The following ALPL variants were observed in gnomAD, a reference collection of about 807,000 sequenced individuals.
ALPL encodes alkaline phosphatase, tissue-nonspecific isozyme.
ALPL carries 42 observed loss-of-function variants against 51.3 expected under a neutral mutation model. The observed-to-expected ratio is 0.82, with a 90% CI of 0.64 to 1.06. The LOEUF (loss-of-function observed/expected upper bound fraction) is 1.06, where lower values mean the gene tolerates loss of function less well. Among genes scored for constraint, ALPL ranks in the 50% least tolerant of loss-of-function variants. ALPL has a pLI of 0.00. For missense variants in ALPL, 589 were observed against 709.4 expected (o/e 0.83, Z 1.93); for synonymous variants, 279 against 296.4 (o/e 0.94, Z 0.60).
At chr1:21,570,944 C>A (rs141630867) in intron 8 of ALPL, among the ~76,000 whole-genome samples, 1 of 152,328 alleles carries the variant, frequency 6.6e-6, no homozygotes, top group African/African-American at 2.4e-5. Flanking sequence ...GTGGCAAAAT[C>A]TCCTGCAGAC....
intron 2 of ALPL, among the ~76,000 whole-genome samples, chr1:21,558,781 C>A (rs577169411): frequency 6.6e-6 from 1 of 152,130 alleles, no homozygotes; most frequent in Non-Finnish European, 1.5e-5. Context: ...GTGGGGTGTG[C>A]TTGGGTCCAA....
At chr1:21,516,436 A>G (rs1375808635) in intron 1 of ALPL, among the ~76,000 whole-genome samples, 1 of 151,546 alleles carries the variant, frequency 6.6e-6, no homozygotes, top group Non-Finnish European at 1.5e-5. Context: ...CTATAAGCCC[A>G]ACATGCACGT....
intron 1 of ALPL, among the ~76,000 whole-genome samples, chr1:21,515,687 C>T (rs1031934735): frequency 3.3e-5 from 5 of 152,188 alleles, no homozygotes; most frequent in African/African-American, 1.2e-4. Context: ...CCACACCTGG[C>T]CCCAGTGACT....
intron 4 of ALPL, among the ~76,000 whole-genome samples, chr1:21,562,451 G>A (rs1246472759): frequency 1.3e-5 from 2 of 152,184 alleles, no homozygotes; most frequent in East Asian, 1.9e-4. Context: ...GTGGTGTTAT[G>A]TAATAACCTC....
chr1:21,568,190 G>A lies in ALPL; in HGVS notation c.735G>A (p.Thr245=), dbSNP rs776965688. 5.0e-6 allele frequency: 8 copies of A among 1,614,114 alleles called. No individual in the cohort carries two copies. Among genetic ancestry groups the A allele is most frequent in the African/African-American group, 1.3e-5 (1 of 75,024 alleles). The change falls in exon 7 of 12, where the codon ACG becomes ACA. Residue 245 remains threonine, a synonymous_variant. Transcript: ENST00000374840. ...EYESDEKARG[T]RLDGLDLVDT... ...AGAGTGACGAGAAAGCCAGGGGCACGAGGCTGGACGGCCTGGACCTCGTTG... is the reference window on the plus strand; with the variant it reads ...AGAGTGACGAGAAAGCCAGGGGCACAAGGCTGGACGGCCTGGACCTCGTTG...
chr1:21,554,863 TTCTTTCTTTC>T (rs1361485498), intron 2 of ALPL, among the ~76,000 whole-genome samples: 1,681 of 135,514 alleles, frequency 0.012, 41 homozygotes, highest in East Asian at 0.056. Context: ...CTTTCTTTCT[TTCTTTCTTTC>T]TCTCTTTCTT....
chr1:21,509,196 G>A (rs1428215414), upstream of ALPL, among the ~76,000 whole-genome samples: 2 of 151,914 alleles, frequency 1.3e-5, no homozygotes, highest in African/African-American at 4.8e-5. The surrounding 1 kb of genome is among the most constrained non-coding windows in gnomAD (Gnocchi z 6.0). Flanking sequence ...GGCGGGCGAG[G>A]GACGCCAGGG....
chr1:21,512,382 C>T (rs574259937), intron 1 of ALPL, among the ~76,000 whole-genome samples: 1 of 152,226 alleles, frequency 6.6e-6, no homozygotes, highest in South Asian at 2.1e-4. Flanking sequence ...TTTGCAGGGT[C>T]GCAAGATCAT....
intron 1 of ALPL, among the ~76,000 whole-genome samples, chr1:21,515,756 C>A (rs115798082): frequency 6.6e-6 from 1 of 152,230 alleles, no homozygotes; most frequent in Admixed American, 6.5e-5. Flanking sequence ...AGTAAAGCCA[C>A]AGGGTGGGTA....
chr1:21,530,926 G>A (rs1035966347), intron 1 of ALPL, among the ~76,000 whole-genome samples: 5 of 149,910 alleles, frequency 3.3e-5, no homozygotes, highest in African/African-American at 7.4e-5. Context: ...GACCACAGGC[G>A]TGCACCACCA....
chr1:21,539,879 A>G (rs910902004), intron 1 of ALPL, among the ~76,000 whole-genome samples: 2 of 151,888 alleles, frequency 1.3e-5, no homozygotes, highest in African/African-American at 2.4e-5. Context: ...GATGGTCTCG[A>G]TCTCCTGACC....
rs2148172493 is a variant in ALPL at position 21,568,392 on chromosome 1, A to G, written c.792+145A>G. Reference sequence around the variant, plus strand: ...TGGGCTCAAATGGCCTAAGAGATATACAAGCAGTAGATAGTCAGTGACTAA... The same window carrying G: ...TGGGCTCAAATGGCCTAAGAGATATGCAAGCAGTAGATAGTCAGTGACTAA... On this transcript the variant is annotated intron_variant, in intron 7 of 11. Transcript: ENST00000374840. The G allele has an allele frequency of 2.8e-6, 3 of 1,090,892 alleles. No individual in the cohort carries two copies. In the East Asian group the frequency reaches 7.8e-5, roughly 28 times the overall value. 67.6% of individuals were successfully genotyped at this position (1,090,892 alleles called of 1,614,324 possible).
intron 1 of ALPL, among the ~76,000 whole-genome samples, chr1:21,531,897 C>A (rs1282389876): frequency 6.6e-6 from 1 of 152,060 alleles, no homozygotes; most frequent in African/African-American, 2.4e-5. Context: ...GCAACCCCTC[C>A]CCGCCACCCT....
In ALPL at chr1:21,560,559, G is replaced by A. The variant is rs1486806815; in HGVS notation, c.62-67G>A. On this transcript the variant is annotated intron_variant, in intron 2 of 11. Coordinates refer to ENST00000374840, the MANE Select transcript of ALPL (RefSeq NM_000478.6). ...CAGCCTGAGCAATCAGAAGTGGGGG[G>A]ATCTGTACGTCTGGAGATAGGAGGC... The A allele has an allele frequency of 3.0e-5, 48 of 1,594,106 alleles. No homozygotes were observed. In the Admixed American group the frequency reaches 6.5e-4, roughly 21 times the overall value.
intron 1 of ALPL, among the ~76,000 whole-genome samples, chr1:21,538,604 A>G (rs1313419205): frequency 6.6e-6 from 1 of 152,116 alleles, no homozygotes; most frequent in Non-Finnish European, 1.5e-5. Flanking sequence ...GCGTGGGGCC[A>G]TCTGCACAAT....
At chr1:21,573,449 GAAAAGAAAAGAAAAAGAA>G (rs1198383944) in intron 8 of ALPL, among the ~76,000 whole-genome samples, 198 bp from the exon 9 acceptor site, 7 of 103,752 alleles carry the variant, frequency 6.7e-5, no homozygotes, top group Non-Finnish European at 1.3e-4. Flanking sequence ...AAAAAAAAAA[GAAAAGAAAAGAAAAAGAA>G]AAAAGAAAAA....
At chr1:21,560,520 A>G in intron 2 of ALPL, 106 bp from the exon 3 acceptor site, 1 of 1,469,386 alleles carries the variant, frequency 6.8e-7, no homozygotes, top group Non-Finnish European at 9.3e-7. Context: ...ACCCACCTCC[A>G]AGTTCAGGCA....
intron 1 of ALPL, among the ~76,000 whole-genome samples, chr1:21,545,085 G>A (rs1285448599): frequency 7.9e-5 from 12 of 152,170 alleles, no homozygotes; most frequent in African/African-American, 2.6e-4. Context: ...TCAGTGACTC[G>A]TTTTGGTCAA....
rs1644308358 is a variant in ALPL, at chr1:21,550,628, G to A, written c.-104-3350G>A. ...ATACATTGACAGCTGAACCCACCGT[G>A]TAACCAGCACCCACCCACCCAGATC... is the stretch of plus-strand genomic sequence containing the variant. On this transcript the variant is annotated intron_variant, in intron 1 of 11. Transcript: ENST00000374840. 3.3e-5 allele frequency among the ~76,000 whole-genome samples: 5 copies of A among 152,196 alleles called. No individual in the cohort carries two copies. The South Asian group carries it at 1.0e-3, about 32-fold the overall frequency.
Sources: gnomAD v4.1 joint callset for allele counts (sites outside exome capture counted in the v4.1 genomes callset) on GRCh38, gnomAD v4.1.1 for gene constraint, Gnocchi (gnomAD v3.1) non-coding constraint, MANE v1.5 for transcripts, NCBI Gene and HGNC (gene_info 2026-07-23, HGNC 2026-07-21) for gene names.